The following CPEB4 variants were observed in gnomAD, a reference collection of about 807,000 sequenced individuals.
CPEB4 encodes the protein cytoplasmic polyadenylation element-binding protein 4.
In CPEB4, 12 loss-of-function variants were observed where a neutral mutation model predicts 72.5. The ratio of observed to expected loss-of-function variants is 0.17; its 90% CI spans 0.11 to 0.27. The LOEUF (loss-of-function observed/expected upper bound fraction) is 0.27. Ranked by LOEUF, CPEB4 falls within the 10% of genes least tolerant of loss-of-function variation. The pLI is 1.00. For missense variants in CPEB4, 614 were observed against 908.5 expected, an observed-to-expected ratio of 0.68 and a Z score of 4.17; for synonymous variants, 302 against 326.3, an observed-to-expected ratio of 0.93 and a Z score of 0.80.
rs868756528 is a variant in CPEB4, at chr5:173,910,817, A to G, written c.1207+213A>G. On this transcript the variant is annotated intron_variant, in intron 2 of 9. Transcript: ENST00000265085. ...CATCGTGATACCAGGTAAGAGTACTACGTGAGTACTAATTGCCAAGAATGG... is the reference window on the plus strand; with the variant it reads ...CATCGTGATACCAGGTAAGAGTACTGCGTGAGTACTAATTGCCAAGAATGG... 14 of 482,346 alleles carry G rather than the reference A, an allele frequency of 2.9e-5. No homozygotes were observed. In the Middle Eastern group the frequency reaches 1.6e-3, roughly 54 times the overall value. 29.9% of individuals were successfully genotyped at this position (482,346 alleles called of 1,614,324 possible). A position where few individuals can be genotyped will look rare whatever the true frequency, so the allele number is the denominator to read the frequency against.
intron 6 of CPEB4, 28 bp downstream of exon 6, chr5:173,949,625 G>C (rs565479805): frequency 7.0e-7 from 1 of 1,436,812 alleles, no homozygotes; most frequent in Non-Finnish European, 9.8e-7. Context: ...TTATACTTAT[G>C]TAATTTATTC....
At position 173,953,077 on chromosome 5, in the gene CPEB4, C is replaced by T. The variant is rs780147777; in HGVS notation, c.1781-14C>T. ...CCTGATTTTAAATATCCTCCTTGTT[C>T]CTTTCTTAATTAGTGGAGCTTGCGA... On this transcript the variant is annotated splice_polypyrimidine_tract_variant and intron_variant, in intron 8 of 9. Coordinates refer to ENST00000265085, the MANE Select transcript of CPEB4 (RefSeq NM_030627.4). 25 of 1,580,964 alleles carry T rather than the reference C, an allele frequency of 1.6e-5. No individual in the cohort carries two copies. In the South Asian group the frequency reaches 2.9e-4, roughly 18 times the overall value.
intron 1 of CPEB4, among the ~76,000 whole-genome samples, chr5:173,904,767 A>G (rs1428011001): frequency 6.6e-6 from 1 of 151,966 alleles, no homozygotes; most frequent in Non-Finnish European, 1.5e-5. Flanking sequence ...CAATCTGTGT[A>G]GTAAATTGTG....
intron 1 of CPEB4, among the ~76,000 whole-genome samples, chr5:173,899,908 T>TG: frequency 6.6e-6 from 1 of 152,130 alleles, no homozygotes; most frequent in East Asian, 1.9e-4. Flanking sequence ...TGAAGTGCAC[T>TG]GGCCAGTGAC....
Position 173,890,576 on chromosome 5 carries a change from C to T in CPEB4, c.843C>T (p.Pro281=), listed in dbSNP as rs776249751. The change falls in exon 1 of 10, where the codon CCC becomes CCT. Residue 281 remains proline, a synonymous_variant. Coordinates refer to ENST00000265085, the MANE Select transcript of CPEB4 (RefSeq NM_030627.4). Reference sequence around the variant, plus strand: ...ATTTGGCGAATAATCTTAACAAACCCCCCTCTCCGTGGAGCAGCTACCAGA... The same window carrying T: ...ATTTGGCGAATAATCTTAACAAACCTCCCTCTCCGTGGAGCAGCTACCAGA... ...LPHLANNLNK[P]PSPWSSYQSP... is the part of the protein sequence containing the mutation. 8.1e-6 allele frequency: 13 copies of T among 1,614,150 alleles called. No individual in the cohort carries two copies. The South Asian group carries it at 9.9e-5, about 12-fold the overall frequency.
At chr5:173,908,280 A>G (rs1756516393) in intron 1 of CPEB4, among the ~76,000 whole-genome samples, 1 of 152,158 alleles carries the variant, frequency 6.6e-6, no homozygotes, top group South Asian at 2.1e-4. Flanking sequence ...CTCTATAGAT[A>G]GATCTTGTTC....
intron 2 of CPEB4, among the ~76,000 whole-genome samples, chr5:173,929,417 G>T (rs1449841314): frequency 6.6e-6 from 1 of 152,170 alleles, no homozygotes; most frequent in East Asian, 1.9e-4. Flanking sequence ...CCTCCCTTAG[G>T]GCTGGGTGAG....
At chr5:173,911,207 C>A (rs546720572) in intron 2 of CPEB4, among the ~76,000 whole-genome samples, 2 of 151,964 alleles carry the variant, frequency 1.3e-5, no homozygotes, top group South Asian at 4.2e-4. Context: ...TAGAATTACC[C>A]GGGTGCTTTA....
At chr5:173,930,857 C>T (rs1404281714) in intron 2 of CPEB4, among the ~76,000 whole-genome samples, 2 of 151,750 alleles carry the variant, frequency 1.3e-5, no homozygotes, top group Admixed American at 6.6e-5. Context: ...GGCATGGTAG[C>T]GGGCGCCTGT....
At chr5:173,937,556 G>A (rs1357254626) in intron 3 of CPEB4, among the ~76,000 whole-genome samples, 1 of 152,072 alleles carries the variant, frequency 6.6e-6, no homozygotes, top group African/African-American at 2.4e-5. Context: ...AAAACAAACT[G>A]TAAACTCTAA....
intron 5 of CPEB4, among the ~76,000 whole-genome samples, chr5:173,945,480 C>CT (rs80348250): frequency 0.22 from 33,770 of 152,096 alleles, 4,963 homozygotes; most frequent in Non-Finnish European, 0.31. Flanking sequence ...ATGTATTTTC[C>CT]TTTTTCCCCC....
At position 173,900,143 on chromosome 5, in the gene CPEB4, C is replaced by T. The variant is rs150575769; in HGVS notation, c.1125+9285C>T. Among the ~76,000 whole-genome samples the T allele has an allele frequency of 5.0e-4, 76 of 152,248 alleles. 3 individuals are homozygous for T. The East Asian group carries it at 0.014, about 27-fold the overall frequency. ...TGCATTGGCCAGGTGTGGTGGCTCACGCCTGTAATCCCAGCACTGCGAGAG... is the reference window on the plus strand; with the variant it reads ...TGCATTGGCCAGGTGTGGTGGCTCATGCCTGTAATCCCAGCACTGCGAGAG... On this transcript the variant is annotated intron_variant, in intron 1 of 9. Transcript: ENST00000265085. The surrounding 1 kb of genome is among the most constrained non-coding windows in gnomAD (Gnocchi z 4.4).
intron 8 of CPEB4, 57 bp downstream of exon 8, chr5:173,951,995 T>C: frequency 9.2e-7 from 1 of 1,085,948 alleles, no homozygotes; most frequent in Non-Finnish European, 1.4e-6. Flanking sequence ...TATGAAGATC[T>C]TCAGGATAAA....
chr5:173,930,710 C>T (rs552435882), intron 2 of CPEB4, among the ~76,000 whole-genome samples: 17 of 152,060 alleles, frequency 1.1e-4, no homozygotes, highest in Admixed American at 7.9e-4. Flanking sequence ...AATTGGCAGC[C>T]GGGCGCAGTG....
intron 3 of CPEB4, among the ~76,000 whole-genome samples, chr5:173,936,788 CTG>C: frequency 1.3e-5 from 2 of 151,366 alleles, no homozygotes; most frequent in South Asian, 4.2e-4. Flanking sequence ...ACCACCACCT[CTG>C]TATAAAAATG....
intron 5 of CPEB4, among the ~76,000 whole-genome samples, chr5:173,946,747 G>A (rs1384863080): frequency 4.6e-5 from 7 of 152,144 alleles, no homozygotes; most frequent in African/African-American, 1.7e-4. Context: ...TCCTGATGAA[G>A]TTTGTAATTC....
chr5:173,947,110 C>G (rs1241420286), intron 5 of CPEB4, among the ~76,000 whole-genome samples: 2 of 152,160 alleles, frequency 1.3e-5, no homozygotes, highest in African/African-American at 4.8e-5. Flanking sequence ...TCTTTCTTTT[C>G]TGTTCCTTTA....
At chr5:173,944,301 TC>T (rs1028269286) in intron 4 of CPEB4, among the ~76,000 whole-genome samples, 9 of 152,076 alleles carry the variant, frequency 5.9e-5, no homozygotes, top group Admixed American at 1.3e-4. Flanking sequence ...AAATGAGTGG[TC>T]ACTTTAAAAA....
intron 2 of CPEB4, among the ~76,000 whole-genome samples, chr5:173,925,357 T>C (rs1166576752): frequency 1.3e-5 from 2 of 152,218 alleles, no homozygotes; most frequent in East Asian, 3.8e-4. Flanking sequence ...CTTCAGCTGA[T>C]ATCTGTCTCA....
Sources: gnomAD v4.1 joint callset for allele counts (sites outside exome capture counted in the v4.1 genomes callset) on GRCh38, gnomAD v4.1.1 for gene constraint, Gnocchi (gnomAD v3.1) non-coding constraint, MANE v1.5 for transcripts, NCBI Gene and HGNC (gene_info 2026-07-23, HGNC 2026-07-21) for gene names.